NEB: variants seen among roughly 807,000 people sequenced by gnomAD.
The protein encoded by NEB is nebulin, also known as nemaline myopathy type 2.
In NEB, 512 loss-of-function variants were observed where a neutral mutation model predicts 952.2. That is an observed-to-expected ratio of 0.54 (90% confidence interval 0.50 to 0.58). NEB has a LOEUF of 0.58. NEB is among the 20% of genes least tolerant of loss of function. The pLI is 0.00. For synonymous variants in NEB, 2,900 were observed against 3,149.8 expected (o/e 0.92, Z 2.66); for missense variants, 8,428 against 9,231.1 (o/e 0.91, Z 3.56).
At chr2:151,533,730 G>T (rs1177187627) in intron 142 of NEB, among the ~76,000 whole-genome samples, 184 bp from the exon 143 acceptor site, 1 of 152,198 alleles carries the variant, frequency 6.6e-6, no homozygotes, top group African/African-American at 2.4e-5. Flanking sequence ...AATGCTTGCG[G>T]TTGGCCATTC....
At chr2:151,535,210 G>C (rs2092877625) in intron 142 of NEB, among the ~76,000 whole-genome samples, 1 of 152,138 alleles carries the variant, frequency 6.6e-6, no homozygotes, top group Non-Finnish European at 1.5e-5. Context: ...ATATATGTGG[G>C]AGTAACAATG....
At position 151,516,455 on chromosome 2, in the gene NEB, T is replaced by C; in HGVS notation, c.22905+4A>G. 6.2e-7 allele frequency: 1 copy of C among 1,600,016 alleles called. No homozygotes were observed. The highest frequency in any genetic ancestry group is 1.3e-5 in the African/African-American group (1 of 74,758). ...TGTTGTGTGGTGTGGTTTTTTTGAC[T>C]TACCCCACTCTGCATCTGCTGAGAC... On this transcript the variant is annotated splice_donor_region_variant and intron_variant, in intron 157 of 181. Coordinates refer to ENST00000397345, the MANE Select transcript of NEB (RefSeq NM_001164508.2).
chr2:151,629,087 T>C (rs565797221), intron 68 of NEB, among the ~76,000 whole-genome samples: 2 of 152,192 alleles, frequency 1.3e-5, no homozygotes, highest in South Asian at 4.1e-4. Flanking sequence ...AAAAAATGAG[T>C]TGGCAAAAAC....
intron 154 of NEB, among the ~76,000 whole-genome samples, 161 bp from the exon 155 acceptor site, chr2:151,519,230 T>G (rs142519626): frequency 6.6e-6 from 1 of 152,204 alleles, no homozygotes; most frequent in Admixed American, 6.5e-5. Flanking sequence ...AACCCAAGTG[T>G]CTGTCAGCAG....
At chr2:151,546,936 A>T (rs2094793256) in intron 133 of NEB, among the ~76,000 whole-genome samples, 1 of 152,092 alleles carries the variant, frequency 6.6e-6, no homozygotes, top group Non-Finnish European at 1.5e-5. Flanking sequence ...TCTAACCCTG[A>T]GCTGAGGAGA....
intron 51 of NEB, among the ~76,000 whole-genome samples, chr2:151,654,345 C>T (rs1018248015): frequency 1.3e-5 from 2 of 152,158 alleles, no homozygotes; most frequent in African/African-American, 4.8e-5. Flanking sequence ...ATCATAGCTT[C>T]TGCTGTTCAG....
At chr2:151,574,334 C>T (rs1015579296) in intron 107 of NEB, among the ~76,000 whole-genome samples, 8 of 152,176 alleles carry the variant, frequency 5.3e-5, no homozygotes, top group African/African-American at 1.9e-4. Flanking sequence ...TTAGCCAATA[C>T]TTCCAGCAAA....
chr2:151,553,529 GA>G (rs771472404), intron 126 of NEB, 27 bp from the exon 127 acceptor site: 687 of 1,391,838 alleles, frequency 4.9e-4, no homozygotes, highest in African/African-American at 1.2e-3. Flanking sequence ...GAAAGGATCA[GA>G]AAAAAAAAAT....
chr2:151,486,040 A>C (rs2050049886), intron 181 of NEB, 107 bp from the exon 182 acceptor site: 1 of 1,149,474 alleles, frequency 8.7e-7, no homozygotes. Flanking sequence ...ACTTAAGTTG[A>C]ACAAAAGAGA....
At chr2:151,577,149 T>C (rs2096897576) in intron 105 of NEB, among the ~76,000 whole-genome samples, 1 of 152,200 alleles carries the variant, frequency 6.6e-6, no homozygotes, top group African/African-American at 2.4e-5. Context: ...AAATTCAGAA[T>C]TCAAATCCGA....
In NEB at chr2:151,630,760, T is replaced by C; in HGVS notation, c.9678A>G (p.Thr3226=). Residue 3226 remains threonine (T), a synonymous_variant, in exon 67 of 182, where the codon ACA becomes ACG. Transcript: ENST00000397345. ...TCTGCCTTGCCAACATAATCTCTGG[T>C]GTATCAGGCATTATGTGAATTTGAG... is the stretch of plus-strand genomic sequence containing the variant. ...DKTQIHIMPD[T]PEIMLARQNK... 1 of 1,611,800 alleles carries C rather than the reference T, an allele frequency of 6.2e-7. No individual in the cohort carries two copies. The highest frequency in any genetic ancestry group is 8.5e-7 in the Non-Finnish European group (1 of 1,178,886).
chr2:151,553,573 G>A (rs769427426), intron 126 of NEB, 71 bp from the exon 127 acceptor site: 152 of 1,109,162 alleles, frequency 1.4e-4, no homozygotes, highest in Non-Finnish European at 1.6e-4. Context: ...AAAAACAGAG[G>A]TACATTCTAG....
intron 39 of NEB, among the ~76,000 whole-genome samples, chr2:151,668,229 A>G (rs2099244243): frequency 1.3e-5 from 2 of 152,158 alleles, no homozygotes; most frequent in African/African-American, 4.8e-5. Flanking sequence ...ATATTTTCCA[A>G]CTTTTCTATA....
intron 78 of NEB, 105 bp downstream of exon 78, chr2:151,612,081 C>A: frequency 8.1e-7 from 1 of 1,229,996 alleles, no homozygotes; most frequent in Non-Finnish European, 1.2e-6. Flanking sequence ...GAGAATCAGG[C>A]CTATGACACC....
intron 57 of NEB, among the ~76,000 whole-genome samples, 184 bp downstream of exon 57, chr2:151,643,634 G>A (rs191320701): frequency 6.6e-6 from 1 of 152,298 alleles, no homozygotes; most frequent in African/African-American, 2.4e-5. Context: ...TTCCACCAAA[G>A]CAATGGGGCT....
Position 151,525,987 on chromosome 2 carries a change from C to A in NEB, c.22132G>T (p.Val7378Phe), listed in dbSNP as rs764524918. 1 of 1,613,988 alleles carries A rather than the reference C, an allele frequency of 6.2e-7. No homozygotes were observed. The highest frequency in any genetic ancestry group is 1.7e-5 in the Admixed American group (1 of 60,026). ...TLPETRDTVH[V>F]KEVTKHVSDT... ...CTGACATGCTTGGTCACTTCCTTGA[C>A]GTGAACAGTGTCCCGGGTCTCTGGT... The change falls in exon 150 of 182, where the codon GTC becomes TTC. Residue 7378 changes from valine (V) to phenylalanine (F), a missense_variant. By Grantham distance (50) the Val-to-Phe change is conservative. Around this residue, in one of 11 missense-constraint regions of NEB, gnomAD observed 3,374 missense variants for 3,651.5 expected, o/e 0.92. Coordinates refer to ENST00000397345, the MANE Select transcript of NEB (RefSeq NM_001164508.2).
intron 13 of NEB, among the ~76,000 whole-genome samples, chr2:151,702,655 TA>T (rs1193365070): frequency 6.6e-6 from 1 of 152,036 alleles, no homozygotes; most frequent in African/African-American, 2.4e-5. Flanking sequence ...TTTGTTGGTT[TA>T]AAGTCTGTTT....
At chr2:151,576,040 A>G in intron 106 of NEB, 111 bp downstream of exon 106, 1 of 888,746 alleles carries the variant, frequency 1.1e-6, no homozygotes, top group Admixed American at 3.1e-5. Context: ...TTACTTAATA[A>G]AATTTTTGTT....
chr2:151,651,228 T>C (rs1176170824), intron 52 of NEB, among the ~76,000 whole-genome samples: 1 of 152,216 alleles, frequency 6.6e-6, no homozygotes, highest in African/African-American at 2.4e-5. Flanking sequence ...TGTAATTGAG[T>C]ATCAAGAGAG....
Sources: gnomAD v4.1 joint callset for allele counts (sites outside exome capture counted in the v4.1 genomes callset) on GRCh38, gnomAD v4.1.1 for gene constraint, gnomAD v4.1.1 regional missense constraint, MANE v1.5 for transcripts, NCBI Gene and HGNC (gene_info 2026-07-23, HGNC 2026-07-21) for gene names.